THRAP3: variants seen among roughly 807,000 people sequenced by gnomAD.
The protein encoded by THRAP3 is thyroid hormone receptor-associated protein 3.
In THRAP3, 16 loss-of-function variants were observed where a neutral mutation model predicts 101.0. That is an observed-to-expected ratio of 0.16 (90% CI 0.11 to 0.24). The LOEUF is 0.24. Ranked by LOEUF, THRAP3 falls within the 10% of genes least tolerant of loss-of-function variation. THRAP3 has a pLI of 1.00. For synonymous variants in THRAP3, 407 were observed against 422.6 expected (o/e 0.96, Z 0.45); for missense variants, 989 against 1,202.7 (o/e 0.82, Z 2.63).
chr1:36,293,763 A>G (rs1381632575), intron 7 of THRAP3, 88 bp from the exon 8 acceptor site: 2 of 1,132,594 alleles, frequency 1.8e-6, no homozygotes, highest in African/African-American at 1.6e-5. Flanking sequence ...AATGCCTGTG[A>G]ATCTATTAGC....
chr1:36,296,652 G>C lies in THRAP3; in HGVS notation c.2185G>C (p.Glu729Gln). The change falls in exon 9 of 12, where the codon GAG becomes CAG. Residue 729 changes from glutamate (E) to glutamine (Q), a missense_variant. Glu to Gln is a conservative substitution (Grantham distance 29). Coordinates refer to ENST00000354618, the MANE Select transcript of THRAP3 (RefSeq NM_005119.4). ...TATTGAACGTCGTAAAAAACATAAGGAGAGAGATCTTAAACGAGGTAAATC... is the reference window on the plus strand; with the variant it reads ...TATTGAACGTCGTAAAAAACATAAGCAGAGAGATCTTAAACGAGGTAAATC... ...LDIERRKKHK[E>Q]RDLKRGKSRE... 1 of 1,609,186 alleles carries C rather than the reference G, an allele frequency of 6.2e-7. No individual in the cohort carries two copies. Among genetic ancestry groups the C allele is most frequent in the Non-Finnish European group, 8.5e-7 (1 of 1,178,830 alleles).
At position 36,267,803 on chromosome 1, in the gene THRAP3, C is replaced by T. The variant is rs532666603; in HGVS notation, c.-32+8319C>T. Among the ~76,000 whole-genome samples, 13 of 48,334 alleles carry T rather than the reference C, an allele frequency of 2.7e-4. 4 individuals carry two copies. Among genetic ancestry groups the T allele is most frequent in the African/African-American group, 5.2e-4 (13 of 25,162 alleles). The allele number at this position is 48,334 out of a possible 152,430, so 31.7% of individuals were successfully genotyped here. ...AGAATACGGGGCATCCGGGGGCTTT[C>T]GGAGACTGAGTTCTGTTAGAAAAGG... On this transcript the variant is annotated intron_variant, in intron 2 of 11. Transcript: ENST00000354618.
intron 2 of THRAP3, among the ~76,000 whole-genome samples, chr1:36,282,233 C>G (rs1336776780): frequency 8.8e-6 from 1 of 113,816 alleles, no homozygotes; most frequent in Non-Finnish European, 2.2e-5. Context: ...GCCACTTTCT[C>G]TCTTTTTTTT....
intron 2 of THRAP3, among the ~76,000 whole-genome samples, chr1:36,273,443 C>T (rs1645615293): frequency 6.6e-6 from 1 of 152,172 alleles, no homozygotes; most frequent in Non-Finnish European, 1.5e-5. Flanking sequence ...TAAAGGGCAT[C>T]TATGAAAAAT....
At chr1:36,218,677 G>A in the THRAP3 span, among the ~76,000 whole-genome samples, 4 of 145,544 alleles carry the variant, frequency 2.7e-5, no homozygotes, top group Non-Finnish European at 4.5e-5. Flanking sequence ...AGCCGAGATT[G>A]TGCCACTGCA....
intron 1 of THRAP3, among the ~76,000 whole-genome samples, chr1:36,241,385 GTATATATA>G (rs1166260923): frequency 0.019 from 162 of 8,628 alleles, 2 homozygotes; most frequent in African/African-American, 0.02. Flanking sequence ...GATAATGGGT[GTATATATA>G]TATATATATA....
At chr1:36,220,972 A>AAAT (rs1285765741), upstream of THRAP3, among the ~76,000 whole-genome samples, 845 of 93,966 alleles carry the variant, frequency 9.0e-3, 11 homozygotes, top group Non-Finnish European at 0.012. Flanking sequence ...AAAAAAAAAA[A>AAAT]ATATATATAT....
chr1:36,283,807 A>G (rs190382532), intron 3 of THRAP3, among the ~76,000 whole-genome samples: 2 of 152,332 alleles, frequency 1.3e-5, no homozygotes, highest in South Asian at 2.1e-4. Context: ...TAAGGGGTCT[A>G]TTAAACAAAG....
chr1:36,212,383 G>A, the THRAP3 span, among the ~76,000 whole-genome samples: 2 of 151,712 alleles, frequency 1.3e-5, no homozygotes, highest in Admixed American at 6.6e-5. Flanking sequence ...GAGAGTAGGG[G>A]AGGGATAGCT....
chr1:36,275,718 C>T (rs1351582125), intron 2 of THRAP3, among the ~76,000 whole-genome samples: 1 of 151,564 alleles, frequency 6.6e-6, no homozygotes, highest in Non-Finnish European at 1.5e-5. Context: ...TCTAGATAGC[C>T]ACATGCAAAA....
At chr1:36,219,032 C>CA in the THRAP3 span, among the ~76,000 whole-genome samples, 1,128 of 63,066 alleles carry the variant, frequency 0.018, 6 homozygotes, top group South Asian at 0.025. Flanking sequence ...GGCTCCATCT[C>CA]AAAAAAAAAA....
chr1:36,243,193 G>T (rs115472696), intron 1 of THRAP3, among the ~76,000 whole-genome samples: 3,091 of 147,138 alleles, frequency 0.021, 122 homozygotes, highest in African/African-American at 0.074. Context: ...CCAAATGAGG[G>T]TTTCTTTTTA....
chr1:36,272,615 C>T (rs1645605735), intron 2 of THRAP3, among the ~76,000 whole-genome samples: 1 of 152,222 alleles, frequency 6.6e-6, no homozygotes. Context: ...AGGCCCACCC[C>T]ACTGCTTTGT....
At chr1:36,210,525 C>G in the THRAP3 span, among the ~76,000 whole-genome samples, 1 of 145,950 alleles carries the variant, frequency 6.9e-6, no homozygotes, top group Non-Finnish European at 1.5e-5. Flanking sequence ...CCTGTCTCTA[C>G]TAAAAATACA....
chr1:36,239,719 A>G (rs1393638692), intron 1 of THRAP3, among the ~76,000 whole-genome samples: 1 of 152,236 alleles, frequency 6.6e-6, no homozygotes, highest in Admixed American at 6.5e-5. Context: ...GATTTCAAGC[A>G]TACAAAAAAG....
At chr1:36,299,537 G>A (rs1646004795) in intron 9 of THRAP3, among the ~76,000 whole-genome samples, 1 of 151,066 alleles carries the variant, frequency 6.6e-6, no homozygotes, top group Non-Finnish European at 1.5e-5. Flanking sequence ...GTCTCGCTCT[G>A]TCACCCAGGC....
At chr1:36,211,049 A>G in the THRAP3 span, among the ~76,000 whole-genome samples, 1 of 151,176 alleles carries the variant, frequency 6.6e-6, no homozygotes, top group Non-Finnish European at 1.5e-5. Flanking sequence ...CTCTCTCCAC[A>G]TAAAAAAAAA....
intron 1 of THRAP3, among the ~76,000 whole-genome samples, chr1:36,242,360 C>G (rs775285024): frequency 2.0e-5 from 3 of 151,894 alleles, no homozygotes; most frequent in African/African-American, 2.4e-5. Flanking sequence ...GCCATGTTGC[C>G]CAGGTTGATC....
In THRAP3 at chr1:36,288,720, CTTAAG is replaced by C. The variant is rs1272423020; in HGVS notation, c.1041-336_1041-332del. 3.0e-6 allele frequency: 3 copies of C among 985,250 alleles called. No individual in the cohort carries two copies. In the African/African-American group the frequency reaches 5.2e-5, roughly 17 times the overall value. The allele number at this position is 985,250 out of a possible 1,614,324, so 61.0% of individuals were successfully genotyped here. A position where few individuals can be genotyped will look rare whatever the true frequency, so the allele number is the denominator to read the frequency against. ...TGACTGAGTGAAGGTTGGGTAAGAC[CTTAAG>C]TTATTTTTTGCCCTAGATCACATTA... On this transcript the variant is annotated intron_variant, in intron 4 of 11. Coordinates refer to ENST00000354618, the MANE Select transcript of THRAP3 (RefSeq NM_005119.4).
Sources: gnomAD v4.1 joint callset for allele counts (sites outside exome capture counted in the v4.1 genomes callset) on GRCh38, gnomAD v4.1.1 for gene constraint, MANE v1.5 for transcripts, NCBI Gene and HGNC (gene_info 2026-07-23, HGNC 2026-07-21) for gene names.